The following ARFIP1 variants were observed in gnomAD, a reference collection of about 807,000 sequenced individuals.
ARFIP1 encodes ARF interacting protein 1, also known as arfaptin-1.
Under a neutral mutation model 42.5 loss-of-function variants are expected in ARFIP1, and 24 were observed. The ratio of observed to expected loss-of-function variants is 0.57; its 90% CI spans 0.41 to 0.80. The LOEUF (loss-of-function observed/expected upper bound fraction) is 0.80. Ranked by LOEUF, ARFIP1 falls within the 30% of genes least tolerant of loss-of-function variation. The pLI is 0.00. For missense variants in ARFIP1, 354 were observed against 434.0 expected (o/e 0.82, Z 1.64); for synonymous variants, 141 against 153.7 (o/e 0.92, Z 0.61).
In ARFIP1 at chr4:152,804,143, C is replaced by CATGTATTATATATTATATATAATATAAG. The variant is rs1561108067; in HGVS notation, c.-10+23944_-10+23945insGATGTATTATATATTATATATAATATAA. Among the ~76,000 whole-genome samples, 366 of 47,706 alleles carry CATGTATTATATATTATATATAATATAAG rather than the reference C, an allele frequency of 7.7e-3. 53 individuals carry two copies. The highest frequency in any genetic ancestry group is 9.3e-3 in the African/African-American group (112 of 12,100). The allele number at this position is 47,706 out of a possible 152,430, so 31.3% of individuals were successfully genotyped here. On this transcript the variant is annotated intron_variant, in intron 1 of 8. Transcript: ENST00000353617. ...GTATTATATATTATATATAATATAACATGTATTATATATTATATATAATAT... is the reference window on the plus strand; with the variant it reads ...GTATTATATATTATATATAATATAACATGTATTATATATTATATATAATATAAGATGTATTATATATTATATATAATAT...
intron 8 of ARFIP1, among the ~76,000 whole-genome samples, chr4:152,889,963 A>G (rs1311128436): frequency 6.9e-6 from 1 of 144,908 alleles, no homozygotes. Context: ...TCATATATAC[A>G]TATTTTAGTC....
At chr4:152,891,184 G>T (rs532951941) in intron 8 of ARFIP1, among the ~76,000 whole-genome samples, 9 of 152,294 alleles carry the variant, frequency 5.9e-5, no homozygotes, top group East Asian at 1.9e-4. Flanking sequence ...CACATTGAGG[G>T]TGAAGATTTC....
chr4:152,902,109 C>T (rs1737886260), intron 8 of ARFIP1, among the ~76,000 whole-genome samples: 2 of 152,210 alleles, frequency 1.3e-5, no homozygotes, highest in South Asian at 4.1e-4. Context: ...TCCTGAGTTT[C>T]CCAGATCCCA....
intron 4 of ARFIP1, 70 bp from the exon 5 acceptor site, chr4:152,872,382 A>G (rs2149884447): frequency 2.0e-6 from 2 of 1,008,432 alleles, no homozygotes; most frequent in Non-Finnish European, 3.0e-6. Flanking sequence ...TTTGAACAAT[A>G]TCAGGGTTTT....
intron 1 of ARFIP1, among the ~76,000 whole-genome samples, chr4:152,784,796 T>C (rs978381631): frequency 6.6e-6 from 1 of 152,268 alleles, no homozygotes; most frequent in Non-Finnish European, 1.5e-5. Context: ...TTTGTGAAAA[T>C]ATGGCAGTGT....
intron 1 of ARFIP1, among the ~76,000 whole-genome samples, chr4:152,798,679 T>C (rs1413400024): frequency 6.6e-6 from 1 of 152,152 alleles, no homozygotes; most frequent in African/African-American, 2.4e-5. Flanking sequence ...TAAAAATTTG[T>C]TTCTTTGCAT....
intron 1 of ARFIP1, among the ~76,000 whole-genome samples, chr4:152,814,085 TTTC>T (rs1199474383): frequency 3.2e-5 from 4 of 123,556 alleles, no homozygotes; most frequent in South Asian, 5.4e-4. Flanking sequence ...TTCTGTCTTC[TTTC>T]TTCTTCTTCT....
At chr4:152,855,259 CTA>C (rs1298045565) in intron 2 of ARFIP1, among the ~76,000 whole-genome samples, 1 of 151,922 alleles carries the variant, frequency 6.6e-6, no homozygotes, top group East Asian at 1.9e-4. Context: ...GGCCCCCAGA[CTA>C]TGTGTTCTGG....
chr4:152,889,813 A>AC (rs1736659549), intron 8 of ARFIP1, among the ~76,000 whole-genome samples: 1 of 107,112 alleles, frequency 9.3e-6, no homozygotes, highest in African/African-American at 4.0e-5. Flanking sequence ...TATATACTAT[A>AC]TATATACTAT....
At chr4:152,786,107 CTA>C (rs1441257130) in intron 1 of ARFIP1, among the ~76,000 whole-genome samples, 2 of 152,172 alleles carry the variant, frequency 1.3e-5, no homozygotes, top group African/African-American at 4.8e-5. Context: ...TTTGTTTTAA[CTA>C]AATCCAGATG....
intron 2 of ARFIP1, among the ~76,000 whole-genome samples, chr4:152,853,581 A>G (rs1337617351): frequency 6.6e-6 from 1 of 152,144 alleles, no homozygotes; most frequent in Non-Finnish European, 1.5e-5. Flanking sequence ...CTGTTTTTAG[A>G]ATTCTCTATT....
Position 152,820,991 on chromosome 4 carries a change from A to G in ARFIP1, c.-9-8634A>G, listed in dbSNP as rs543816434. 6.6e-5 allele frequency among the ~76,000 whole-genome samples: 10 copies of G among 152,346 alleles called. No individual in the cohort carries two copies. The South Asian group carries it at 1.2e-3, about 19-fold the overall frequency. ...AAGGAAATTTTTAAAAGAACCCAGT[A>G]CAATAAAAAATAAATTCAAAAAATA... On this transcript the variant is annotated intron_variant, in intron 1 of 8. Transcript: ENST00000353617.
chr4:152,796,737 T>G, intron 1 of ARFIP1: 1 of 786,126 alleles, frequency 1.3e-6, no homozygotes, highest in South Asian at 1.4e-5. Context: ...TCTTTGAACA[T>G]TCTTGAGCTT....
chr4:152,909,414 A>C (rs1394651027), intron 8 of ARFIP1, among the ~76,000 whole-genome samples: 1 of 152,064 alleles, frequency 6.6e-6, no homozygotes, highest in Non-Finnish European at 1.5e-5. Context: ...AAGAAAAACA[A>C]CCTCAGGAAA....
At chr4:152,803,698 C>T (rs1054665015) in intron 1 of ARFIP1, among the ~76,000 whole-genome samples, 1 of 151,998 alleles carries the variant, frequency 6.6e-6, no homozygotes, top group Non-Finnish European at 1.5e-5. Flanking sequence ...TAGTTTAATT[C>T]TGCAACTGCC....
At chr4:152,850,883 GGGT>G (rs1413986245) in intron 2 of ARFIP1, among the ~76,000 whole-genome samples, 1 of 152,180 alleles carries the variant, frequency 6.6e-6, no homozygotes, top group African/African-American at 2.4e-5. Context: ...CACTTAAGGG[GGGT>G]TAATAGTGTT....
intron 2 of ARFIP1, among the ~76,000 whole-genome samples, chr4:152,847,850 T>C (rs1335705934): frequency 6.6e-6 from 1 of 152,194 alleles, no homozygotes. Flanking sequence ...TCCTTAGACC[T>C]AGCTAAAATG....
chr4:152,844,034 C>T (rs1732336583), intron 2 of ARFIP1, among the ~76,000 whole-genome samples: 1 of 152,194 alleles, frequency 6.6e-6, no homozygotes, highest in South Asian at 2.1e-4. Context: ...CCTGATGGAT[C>T]CCTGTGGTAC....
At chr4:152,813,701 TA>T (rs1328597967) in intron 1 of ARFIP1, among the ~76,000 whole-genome samples, 1 of 152,164 alleles carries the variant, frequency 6.6e-6, no homozygotes, top group Admixed American at 6.5e-5. Context: ...ATATTTTCCT[TA>T]CCTTTCCCCT....
Sources: allele counts gnomAD v4.1 joint callset (sites outside exome capture counted in the v4.1 genomes callset), GRCh38; gene constraint gnomAD v4.1.1; transcripts MANE v1.5; gene names NCBI Gene and HGNC (gene_info 2026-07-23, HGNC 2026-07-21).